The following TRAPPC10 variants were observed in gnomAD, a reference collection of about 807,000 sequenced individuals.
TRAPPC10 encodes the protein TRAPP 130 kDa subunit.
In TRAPPC10, 23 loss-of-function variants were observed where a neutral mutation model predicts 125.5. That is an observed-to-expected ratio of 0.18 (90% CI 0.13 to 0.26). The LOEUF (loss-of-function observed/expected upper bound fraction) is 0.26, where lower values mean the gene tolerates loss of function less well. TRAPPC10 is among the 10% of genes least tolerant of loss of function. TRAPPC10 has a pLI of 1.00. For synonymous variants in TRAPPC10, 509 were observed against 518.0 expected, an observed-to-expected ratio of 0.98 and a Z score of 0.24; for missense variants, 1,123 against 1,308.4, an observed-to-expected ratio of 0.86 and a Z score of 2.19.
At chr21:44,070,706 G>A (rs1278679602) in intron 7 of TRAPPC10, among the ~76,000 whole-genome samples, 1 of 152,226 alleles carries the variant, frequency 6.6e-6, no homozygotes, top group Non-Finnish European at 1.5e-5. Context: ...TCCAGAGTTT[G>A]TGAGACTCTT....
intron 1 of TRAPPC10, among the ~76,000 whole-genome samples, chr21:44,025,470 C>T (rs1423390065): frequency 6.6e-6 from 1 of 151,254 alleles, no homozygotes; most frequent in African/African-American, 2.4e-5. Flanking sequence ...AAGGCTGATT[C>T]CTCAGTATTC....
intron 3 of TRAPPC10, among the ~76,000 whole-genome samples, chr21:44,050,964 G>A (rs932815482): frequency 1.3e-5 from 2 of 152,176 alleles, no homozygotes; most frequent in South Asian, 2.1e-4. Context: ...GAGTGCAGTG[G>A]TGCGATCTTG....
At chr21:44,040,235 A>G (rs2034313746) in intron 3 of TRAPPC10, among the ~76,000 whole-genome samples, 1 of 152,252 alleles carries the variant, frequency 6.6e-6, no homozygotes, top group African/African-American at 2.4e-5. Flanking sequence ...CAGAACTAAC[A>G]TCTTGATCAC....
At chr21:44,047,529 A>AGTGTGTGTGTGTGTGTGT (rs775813570) in intron 3 of TRAPPC10, among the ~76,000 whole-genome samples, 14 of 104,468 alleles carry the variant, frequency 1.3e-4, no homozygotes, top group Middle Eastern at 5.4e-3. Flanking sequence ...TCTCTGGGGG[A>AGTGTGTGTGTGTGTGTGT]GTATGTGTGT....
At chr21:44,064,735 T>G (rs752986206) in intron 7 of TRAPPC10, among the ~76,000 whole-genome samples, 82 of 152,132 alleles carry the variant, frequency 5.4e-4, no homozygotes, top group Non-Finnish European at 9.6e-4. Flanking sequence ...TTTTAAGAGA[T>G]TTAAACTTTA....
At chr21:44,053,315 G>T (rs1317027257) in intron 4 of TRAPPC10, among the ~76,000 whole-genome samples, 1 of 152,130 alleles carries the variant, frequency 6.6e-6, no homozygotes, top group Admixed American at 6.5e-5. Context: ...CATAATACGT[G>T]TGTGTATTTT....
At chr21:44,041,328 C>T (rs781223558) in intron 3 of TRAPPC10, among the ~76,000 whole-genome samples, 22 of 151,430 alleles carry the variant, frequency 1.5e-4, no homozygotes, top group Non-Finnish European at 3.2e-4. Context: ...TTACGTATTT[C>T]GGTTAAGTTG....
intron 7 of TRAPPC10, among the ~76,000 whole-genome samples, chr21:44,068,240 G>A (rs1324009481): frequency 1.3e-5 from 2 of 152,138 alleles, no homozygotes; most frequent in Admixed American, 6.5e-5. Context: ...CTGGCCTTAT[G>A]AAGCTTACGT....
intron 7 of TRAPPC10, among the ~76,000 whole-genome samples, chr21:44,073,497 A>C (rs1031798157): frequency 6.6e-6 from 1 of 152,212 alleles, no homozygotes; most frequent in Non-Finnish European, 1.5e-5. Flanking sequence ...CTTATACAGC[A>C]GGCGATTTTG....
chr21:44,045,639 C>T (rs2034737034), intron 3 of TRAPPC10, among the ~76,000 whole-genome samples: 1 of 151,960 alleles, frequency 6.6e-6, no homozygotes, highest in Admixed American at 6.6e-5. Context: ...GCAACCTCCG[C>T]CTCCCGGGTT....
intron 17 of TRAPPC10, 91 bp downstream of exon 17, chr21:44,088,019 G>A (rs1486302996): frequency 8.9e-7 from 1 of 1,126,182 alleles, no homozygotes; most frequent in Non-Finnish European, 1.3e-6. Flanking sequence ...CCTGCTGTTA[G>A]CCTGGCTCCT....
At chr21:44,035,238 C>G (rs1014905691) in intron 2 of TRAPPC10, among the ~76,000 whole-genome samples, 2 of 152,198 alleles carry the variant, frequency 1.3e-5, no homozygotes, top group African/African-American at 4.8e-5. Flanking sequence ...GGCTCTTGCC[C>G]TGTCACCATG....
At position 44,087,292 on chromosome 21, in the gene TRAPPC10, G is replaced by A. The variant is rs973793177; in HGVS notation, c.2539+332G>A. On this transcript the variant is annotated intron_variant, in intron 16 of 22. Transcript: ENST00000291574. This position sits in a 1 kb window ranked among gnomAD's most constrained non-coding sequence, Gnocchi z 4.6. ...GCCCTGCTCCCGAGAAGCAAAAGCA[G>A]AGCAGCCCTTGCAGGTGCTGTTGAG... 6.6e-6 allele frequency among the ~76,000 whole-genome samples: 1 copy of A among 152,180 alleles called. No homozygotes were observed. The highest frequency in any genetic ancestry group is 2.4e-5 in the African/African-American group (1 of 41,432).
intron 4 of TRAPPC10, among the ~76,000 whole-genome samples, chr21:44,053,616 T>C (rs1478266771): frequency 1.3e-5 from 2 of 152,210 alleles, no homozygotes; most frequent in Non-Finnish European, 2.9e-5. Context: ...TGGTAACAGA[T>C]TTTGTGCATT....
chr21:44,037,967 G>A (rs746047869), intron 3 of TRAPPC10, 40 bp downstream of exon 3: 11 of 1,602,424 alleles, frequency 6.9e-6, no homozygotes, highest in East Asian at 6.7e-5. Flanking sequence ...GGTGGGATGG[G>A]GTTGGAGATG....
At position 44,082,832 on chromosome 21, in the gene TRAPPC10, G is replaced by A. The variant is rs755840134; in HGVS notation, c.1768G>A (p.Asp590Asn). Residue 590 changes from aspartate to asparagine, a missense_variant, in exon 14 of 23, where the codon GAT becomes AAT. By Grantham distance (23) the Asp-to-Asn change is conservative. Around this residue, in one of 4 missense-constraint regions of TRAPPC10, gnomAD observed 840 missense variants for 902.0 expected, o/e 0.93. Coordinates refer to ENST00000291574, the MANE Select transcript of TRAPPC10 (RefSeq NM_003274.5). This position sits in a 1 kb window ranked among gnomAD's most constrained non-coding sequence, Gnocchi z 4.4. Reference protein sequence around the residue: ...LPMHSFAQLRDLHFDPSNAVV... With the variant: ...LPMHSFAQLRNLHFDPSNAVV... The stretch of plus-strand genomic sequence containing the variant: ...CATGCATTCCTTTGCACAACTGCGA[G>A]ATCTCCATTTTGATCCCTCCAATGC... The A allele has an allele frequency of 1.2e-6, 2 of 1,614,100 alleles. No individual in the cohort carries two copies. The highest frequency in any genetic ancestry group is 2.2e-5 in the South Asian group (2 of 91,066).
chr21:44,095,138 C>T, intron 20 of TRAPPC10, among the ~76,000 whole-genome samples: 1 of 151,098 alleles, frequency 6.6e-6, no homozygotes, highest in Admixed American at 6.6e-5. Context: ...CAGCCTGGAC[C>T]TTCTGGGCTC....
chr21:44,044,111 G>A (rs1045659769), intron 3 of TRAPPC10, among the ~76,000 whole-genome samples: 1 of 152,336 alleles, frequency 6.6e-6, no homozygotes, highest in Admixed American at 6.5e-5. Context: ...GATTGGGATT[G>A]CCTTGAATAA....
chr21:44,014,964 T>A (rs2031652029), intron 1 of TRAPPC10, among the ~76,000 whole-genome samples: 1 of 152,214 alleles, frequency 6.6e-6, no homozygotes, highest in Non-Finnish European at 1.5e-5. Flanking sequence ...CTGGTTTCAC[T>A]TTATGCCTTC....
Sources: gnomAD v4.1 joint callset for allele counts (sites outside exome capture counted in the v4.1 genomes callset) on GRCh38, gnomAD v4.1.1 for gene constraint, gnomAD v4.1.1 regional missense constraint, Gnocchi (gnomAD v3.1) non-coding constraint, MANE v1.5 for transcripts, NCBI Gene and HGNC (gene_info 2026-07-23, HGNC 2026-07-21) for gene names.